ZSWIM4: variants seen among roughly 807,000 people sequenced by gnomAD.
ZSWIM4 encodes zinc finger SWIM domain-containing protein 4.
Under a neutral mutation model 102.5 loss-of-function variants are expected in ZSWIM4, and 62 were observed. The observed-to-expected ratio is 0.60, with a 90% CI of 0.49 to 0.75. The LOEUF is 0.75. Among genes scored for constraint, ZSWIM4 ranks in the 30% least tolerant of loss-of-function variants. The probability of loss-of-function intolerance (pLI) is 0.00; values close to 1 mark genes in which losing one functional copy is unlikely to be tolerated. For synonymous variants in ZSWIM4, 652 were observed against 674.5 expected (o/e 0.97, Z 0.52); for missense variants, 1,280 against 1,529.6 (o/e 0.84, Z 2.72).
Position 13,830,916 on chromosome 19 carries a change from C to T in ZSWIM4, c.3187C>T (p.Leu1063=). 2 of 1,614,210 alleles carry T rather than the reference C, an allele frequency of 1.2e-6. No homozygotes were observed. The highest frequency in any genetic ancestry group is 1.7e-6 in the Non-Finnish European group (2 of 1,180,028). The change falls in exon 14 of 14, where the codon CTG becomes TTG. Residue 1063 remains leucine, a synonymous_variant. Transcript: ENST00000590508. ...PRHYGDFIEF[L]GKARETFLLA... ...GCACTATGGGGATTTCATCGAATTC[C>T]TGGGCAAGGCCCGGGAGACCTTCCT...
rs749413559 is a variant in ZSWIM4 at position 13,830,459 on chromosome 19, G to A, written c.2730G>A (p.Leu910=). The part of the protein sequence containing the change: ...SAFEAAYQIV[L]DAAAGGLGHA... ...TCGAGGCGGCCTACCAGATCGTGCTGGACGCGGCGGCCGGCGGCCTGGGCC... is the reference window on the plus strand; with the variant it reads ...TCGAGGCGGCCTACCAGATCGTGCTAGACGCGGCGGCCGGCGGCCTGGGCC... Residue 910 remains leucine (L), a synonymous_variant, in exon 14 of 14, where the codon CTG becomes CTA. Transcript: ENST00000590508. The A allele has an allele frequency of 2.5e-6, 4 of 1,605,364 alleles. No homozygotes were observed. The African/African-American group carries it at 5.3e-5, about 21-fold the overall frequency.
Position 13,817,820 on chromosome 19 carries a change from C to A in ZSWIM4, c.1768C>A (p.Leu590Met). 1 of 1,577,508 alleles carries A rather than the reference C, an allele frequency of 6.3e-7. No homozygotes were observed. ...GGTGCTGGCGCTGGAGGTGGCACTG[C>A]TGGGGCTGGGGCAGCAGCGGGCCCT... ...YLVLALEVAL[L>M]GLGQQRALPE... is the part of the protein sequence containing the mutation. The change falls in exon 9 of 14, where the codon CTG (leucine) becomes ATG (methionine). Residue 590 changes from leucine (L) to methionine (M), a missense_variant. Leu to Met is a conservative substitution (Grantham distance 15). Coordinates refer to ENST00000590508, the MANE Select transcript of ZSWIM4 (RefSeq NM_001367834.3).
rs1231883970 is a variant in ZSWIM4 at position 13,819,395 on chromosome 19, G to A, written c.1963G>A (p.Glu655Lys). 2 of 1,613,480 alleles carry A rather than the reference G, an allele frequency of 1.2e-6. No individual in the cohort carries two copies. Among genetic ancestry groups the A allele is most frequent in the South Asian group, 2.2e-5 (2 of 90,872 alleles). Residue 655 changes from glutamate (E) to lysine (K), a missense_variant, in exon 10 of 14, where the codon GAG (glutamate) becomes AAG (lysine). Glu to Lys is a moderately conservative substitution (Grantham distance 56). Coordinates refer to ENST00000590508, the MANE Select transcript of ZSWIM4 (RefSeq NM_001367834.3). ...FSGFGEVLFR[E>K]SVPMHTCARY... is the part of the protein sequence containing the mutation. ...TGGCTTTGGGGAGGTGCTGTTCCGG[G>A]AGAGCGTGCCCATGCACACCTGTGC...
chr19:13,819,906 C>T (rs542102818), intron 10 of ZSWIM4, among the ~76,000 whole-genome samples: 58 of 150,800 alleles, frequency 3.8e-4, no homozygotes, highest in South Asian at 8.4e-4. Flanking sequence ...TGCAGTGGCG[C>T]GATCTCGGCC....
intron 10 of ZSWIM4, among the ~76,000 whole-genome samples, chr19:13,820,862 C>T (rs570858860): frequency 1.3e-4 from 19 of 148,708 alleles, no homozygotes; most frequent in African/African-American, 4.2e-4. Flanking sequence ...TCTAAGGACA[C>T]GTCATAAAAG....
intron 3 of ZSWIM4, among the ~76,000 whole-genome samples, chr19:13,807,331 G>C (rs892780639): frequency 1.3e-5 from 2 of 151,756 alleles, no homozygotes; most frequent in African/African-American, 4.8e-5. Flanking sequence ...GGGGGATATG[G>C]CCAGGTAGAT....
intron 10 of ZSWIM4, among the ~76,000 whole-genome samples, chr19:13,820,957 G>A (rs1023880891): frequency 3.3e-5 from 5 of 150,976 alleles, no homozygotes; most frequent in Admixed American, 6.6e-5. Context: ...CATTTATCAC[G>A]TACACCAGCA....
At chr19:13,810,837 C>A (rs1378359318) in intron 5 of ZSWIM4, among the ~76,000 whole-genome samples, 1 of 150,426 alleles carries the variant, frequency 6.6e-6, no homozygotes, top group African/African-American at 2.5e-5. Flanking sequence ...GTCTCGATCC[C>A]CTGACCTCAT....
chr19:13,803,231 G>T (rs1420648002), intron 2 of ZSWIM4, among the ~76,000 whole-genome samples: 1 of 152,184 alleles, frequency 6.6e-6, no homozygotes, highest in Non-Finnish European at 1.5e-5. Flanking sequence ...CTCCCTGCAT[G>T]ACCCAGGCTG....
At position 13,799,709 on chromosome 19, in the gene ZSWIM4, C is replaced by T. The variant is rs766299529; in HGVS notation, c.154-11C>T. ...AACCCCAGGCTCCTAACCCACTGGCCCTTCCTACAGGTGGAGGAGCGGTTC... is the reference window on the plus strand; with the variant it reads ...AACCCCAGGCTCCTAACCCACTGGCTCTTCCTACAGGTGGAGGAGCGGTTC... On this transcript the variant is annotated splice_polypyrimidine_tract_variant and intron_variant, in intron 1 of 13. Coordinates refer to ENST00000590508, the MANE Select transcript of ZSWIM4 (RefSeq NM_001367834.3). 4 of 1,613,578 alleles carry T rather than the reference C, an allele frequency of 2.5e-6. No individual in the cohort carries two copies. The highest frequency in any genetic ancestry group is 3.4e-6 in the Non-Finnish European group (4 of 1,179,780).
Position 13,814,736 on chromosome 19 carries a change from T to C in ZSWIM4, c.1402T>C (p.Cys468Arg). 1 of 1,288,832 alleles carries C rather than the reference T, an allele frequency of 7.8e-7. No homozygotes were observed. The highest frequency in any genetic ancestry group is 1.0e-6 in the Non-Finnish European group (1 of 988,122). 79.8% of individuals were successfully genotyped at this position (1,288,832 alleles called of 1,614,324 possible). ...LWLGEPFPTA[C>R]ARVDTLRAHG... ...GCTGGGAGAACCTTTCCCCACTGCC[T>C]GTGCCCGTGTGGACACCCTGCGTGC... Residue 468 changes from cysteine (C) to arginine (R), a missense_variant, in exon 7 of 14, where the codon TGT becomes CGT. Coordinates refer to ENST00000590508, the MANE Select transcript of ZSWIM4 (RefSeq NM_001367834.3).
At chr19:13,815,958 A>G (rs1356249062) in intron 7 of ZSWIM4, among the ~76,000 whole-genome samples, 1 of 149,776 alleles carries the variant, frequency 6.7e-6, no homozygotes, top group Non-Finnish European at 1.5e-5. Context: ...ATTAAAAAAA[A>G]AAAAAGAGAG....
At position 13,809,177 on chromosome 19, in the gene ZSWIM4, C is replaced by T. The variant is rs757894390; in HGVS notation, c.969C>T (p.Gly323=). The T allele has an allele frequency of 3.1e-6, 5 of 1,612,540 alleles. No individual in the cohort carries two copies. Among genetic ancestry groups the T allele is most frequent in the African/African-American group, 1.3e-5 (1 of 74,904 alleles). Residue 323 remains glycine (G), a synonymous_variant, in exon 5 of 14, where the codon GGC becomes GGT. Transcript: ENST00000590508. The surrounding 1 kb of genome is among the most constrained non-coding windows in gnomAD (Gnocchi z 4.2). ...GCCTGGCCCTGTGGCGGCAGCAGGG[C>T]GCGGGCATGACGGACAAGTGCCGGC... is the stretch of plus-strand genomic sequence containing the variant. ...DTRLALWRQQ[G]AGMTDKCRQL... is the part of the protein sequence containing the mutation.
At chr19:13,828,333 G>A (rs550701306) in intron 12 of ZSWIM4, among the ~76,000 whole-genome samples, 3 of 152,114 alleles carry the variant, frequency 2.0e-5, no homozygotes, top group East Asian at 3.9e-4. Flanking sequence ...GCTTGAACTC[G>A]GGAGGCGGAG....
chr19:13,830,646 T>A lies in ZSWIM4; in HGVS notation c.2917T>A (p.Ser973Thr). The A allele has an allele frequency of 6.2e-7, 1 of 1,601,596 alleles. No individual in the cohort carries two copies. The highest frequency in any genetic ancestry group is 8.5e-7 in the Non-Finnish European group (1 of 1,179,768). The change falls in exon 14 of 14, where the codon TCC becomes ACC. Residue 973 changes from serine (S) to threonine (T), a missense_variant. Coordinates refer to ENST00000590508, the MANE Select transcript of ZSWIM4 (RefSeq NM_001367834.3). ...GCTTTGGGCCTGCTCTCTCAGCCAC[T>A]CCCTGGGCCGGCACGAGCTCTCTGC... ...DVLWACSLSH[S>T]LGRHELSAIV...
At chr19:13,819,318 A>G (rs1298388716) in intron 9 of ZSWIM4, 39 bp from the exon 10 acceptor site, 1 of 1,611,380 alleles carries the variant, frequency 6.2e-7, no homozygotes. Flanking sequence ...GGCAGAGGCG[A>G]GCCCACACTT....
At chr19:13,826,062 C>T (rs1975602820) in intron 12 of ZSWIM4, among the ~76,000 whole-genome samples, 2 of 152,104 alleles carry the variant, frequency 1.3e-5, no homozygotes, top group African/African-American at 4.8e-5. Flanking sequence ...GTGAACCTCA[C>T]CTTTAGGGGC....
Position 13,830,831 on chromosome 19 carries a change from C to T in ZSWIM4, c.3102C>T (p.Asp1034=), listed in dbSNP as rs754370229. ...ADRAPLCQLL[D]AAVTAYITTS... The stretch of plus-strand genomic sequence containing the variant: ...GGGCGCCGCTCTGCCAGCTCCTGGA[C>T]GCGGCAGTCACCGCCTACATCACCA... The change falls in exon 14 of 14, where the codon GAC becomes GAT. Residue 1034 remains aspartate, a synonymous_variant. Transcript: ENST00000590508. 5.0e-6 allele frequency: 8 copies of T among 1,609,116 alleles called. No individual in the cohort carries two copies. Among genetic ancestry groups the T allele is most frequent in the East Asian group, 2.2e-5 (1 of 44,762 alleles).
In ZSWIM4 at chr19:13,819,588, T is replaced by C. The variant is rs1975406229; in HGVS notation, c.2060+96T>C. On this transcript the variant is annotated intron_variant, in intron 10 of 13. Transcript: ENST00000590508. ...AGAGCCCCACCCATCCAGCCTGAACTCACAGCCTAGTTAATTCAGTCTCTC... is the reference window on the plus strand; with the variant it reads ...AGAGCCCCACCCATCCAGCCTGAACCCACAGCCTAGTTAATTCAGTCTCTC... 3 of 1,439,060 alleles carry C rather than the reference T, an allele frequency of 2.1e-6. No individual in the cohort carries two copies. The East Asian group carries it at 7.5e-5, about 36-fold the overall frequency. 89.1% of individuals were successfully genotyped at this position (1,439,060 alleles called of 1,614,324 possible).
Sources: allele counts gnomAD v4.1 joint callset (sites outside exome capture counted in the v4.1 genomes callset), GRCh38; gene constraint gnomAD v4.1.1; non-coding constraint Gnocchi (gnomAD v3.1); transcripts MANE v1.5; gene names NCBI Gene and HGNC (gene_info 2026-07-23, HGNC 2026-07-21).